Variants in PLCB1 observed in about 807,000 individuals in gnomAD.
PLCB1 encodes the protein phospholipase C beta 1.
Under a neutral mutation model 161.8 loss-of-function variants are expected in PLCB1, and 46 were observed. The observed-to-expected ratio is 0.28, with a 90% CI of 0.22 to 0.36. The LOEUF (loss-of-function observed/expected upper bound fraction) is 0.36. Among genes scored for constraint, PLCB1 ranks in the 10% least tolerant of loss-of-function variants. The probability of loss-of-function intolerance (pLI) is 1.00; values close to 1 mark genes in which losing one functional copy is unlikely to be tolerated. For missense variants in PLCB1, 1,016 were observed against 1,472.5 expected (o/e 0.69, Z 5.07); for synonymous variants, 517 against 503.7 (o/e 1.03, Z -0.35).
intron 2 of PLCB1, among the ~76,000 whole-genome samples, chr20:8,155,271 C>A (rs1349465225): frequency 1.3e-5 from 2 of 152,138 alleles, no homozygotes; most frequent in Non-Finnish European, 2.9e-5. Context: ...TTTATACCTG[C>A]ATATTTAGTC....
intron 11 of PLCB1, among the ~76,000 whole-genome samples, chr20:8,698,859 G>A (rs1008665924): frequency 4.6e-5 from 7 of 152,174 alleles, no homozygotes; most frequent in African/African-American, 1.7e-4. Flanking sequence ...TTGTTAGTGA[G>A]AAATGAGGTG....
chr20:8,405,517 A>C (rs1978748991), intron 3 of PLCB1, among the ~76,000 whole-genome samples: 1 of 152,192 alleles, frequency 6.6e-6, no homozygotes, highest in Non-Finnish European at 1.5e-5. Flanking sequence ...AAATAGAAGG[A>C]GCTACAGTCA....
chr20:8,238,054 C>T (rs573259067), intron 2 of PLCB1, among the ~76,000 whole-genome samples: 15 of 152,082 alleles, frequency 9.9e-5, no homozygotes, highest in Non-Finnish European at 2.1e-4. Flanking sequence ...TGAAACTCAA[C>T]GAAATCTTTT....
In PLCB1 at chr20:8,166,226, A is replaced by G. The variant is rs539521233; in HGVS notation, c.177+15855A>G. 1.2e-4 allele frequency among the ~76,000 whole-genome samples: 19 copies of G among 152,242 alleles called. No homozygotes were observed. In the East Asian group the frequency reaches 3.5e-3, roughly 28 times the overall value. Reference sequence around the variant, plus strand: ...TCACCTTTCACCAACTTTTCAATACATATCAACCTGGATTCTGTACCCACT... The same window carrying G: ...TCACCTTTCACCAACTTTTCAATACGTATCAACCTGGATTCTGTACCCACT... On this transcript the variant is annotated intron_variant, in intron 2 of 31. Coordinates refer to ENST00000338037, the MANE Select transcript of PLCB1 (RefSeq NM_015192.4).
intron 2 of PLCB1, among the ~76,000 whole-genome samples, chr20:8,351,221 A>G (rs1986166971): frequency 6.6e-6 from 1 of 152,124 alleles, no homozygotes; most frequent in Non-Finnish European, 1.5e-5. Context: ...TTTTTATGAA[A>G]GTGCAAGAAT....
chr20:8,797,785 G>A (rs1984099884), intron 31 of PLCB1, among the ~76,000 whole-genome samples: 1 of 152,200 alleles, frequency 6.6e-6, no homozygotes, highest in South Asian at 2.1e-4. Context: ...TTTCCATCAT[G>A]AGCAAAAGCC....
At chr20:8,502,794 G>T (rs1401439501) in intron 3 of PLCB1, among the ~76,000 whole-genome samples, 2 of 152,084 alleles carry the variant, frequency 1.3e-5, no homozygotes, top group South Asian at 4.1e-4. Context: ...TAATAATTTT[G>T]CCATTTTCCT....
chr20:8,445,478 C>G (rs982868165), intron 3 of PLCB1, among the ~76,000 whole-genome samples: 1 of 151,786 alleles, frequency 6.6e-6, no homozygotes, highest in African/African-American at 2.4e-5. Context: ...AGTCAGGTAG[C>G]ATGATGCCTC....
chr20:8,158,224 G>A (rs892425072), intron 2 of PLCB1, among the ~76,000 whole-genome samples: 7 of 152,146 alleles, frequency 4.6e-5, no homozygotes, highest in African/African-American at 1.4e-4. Flanking sequence ...TAGAATCCCC[G>A]GGTACTTGGT....
At chr20:8,471,991 C>CAA (rs754035251) in intron 3 of PLCB1, among the ~76,000 whole-genome samples, 1 of 151,528 alleles carries the variant, frequency 6.6e-6, no homozygotes, top group Non-Finnish European at 1.5e-5. Context: ...TCCAGAATTA[C>CAA]AAAAAAAATA....
rs141648767 is a variant in PLCB1 at position 8,818,062 on chromosome 20, C to T, written c.3423+27801C>T. 1.0e-3 allele frequency among the ~76,000 whole-genome samples: 154 copies of T among 151,890 alleles called. 1 individual carries two copies. The highest frequency in any genetic ancestry group is 3.5e-3 in the African/African-American group (145 of 41,384). ...AATATGGTAGAGAGATCAAGAGGCA[C>T]GAAGGATAGAATGAGAAGAGGTGAG... On this transcript the variant is annotated intron_variant, in intron 31 of 31. Transcript: ENST00000338037.
intron 10 of PLCB1, among the ~76,000 whole-genome samples, chr20:8,695,851 C>A (rs1201918418): frequency 6.6e-6 from 1 of 152,164 alleles, no homozygotes. Context: ...AATAGTTTAT[C>A]CTGAAATTAG....
chr20:8,223,496 G>C (rs1979523856), intron 2 of PLCB1, among the ~76,000 whole-genome samples: 1 of 151,930 alleles, frequency 6.6e-6, no homozygotes, highest in Non-Finnish European at 1.5e-5. Context: ...AAAAATGACT[G>C]CTTACTACTG....
chr20:8,418,301 A>C (rs1600387712), intron 3 of PLCB1, among the ~76,000 whole-genome samples: 1 of 152,192 alleles, frequency 6.6e-6, no homozygotes, highest in Admixed American at 6.5e-5. Context: ...GTGTCACTCT[A>C]AGTGGCTCTG....
intron 3 of PLCB1, among the ~76,000 whole-genome samples, chr20:8,392,813 A>T (rs1163351394): frequency 5.3e-5 from 8 of 152,202 alleles, no homozygotes. Context: ...TACCATAAAA[A>T]AGTGAAATCC....
intron 2 of PLCB1, among the ~76,000 whole-genome samples, chr20:8,299,555 T>C (rs2123317307): frequency 6.6e-6 from 1 of 152,342 alleles, no homozygotes; most frequent in East Asian, 1.9e-4. Flanking sequence ...CATATGCCCC[T>C]TTTGAGTTTA....
rs550206072 is a variant in PLCB1, at chr20:8,189,034, G to A, written c.177+38663G>A. On this transcript the variant is annotated intron_variant, in intron 2 of 31. Transcript: ENST00000338037. ...GTTGTAATATTTATTCAAAAGTAAT[G>A]TTGCCTATCCTGCTCCTGATAACCA... Among the ~76,000 whole-genome samples, 9 of 152,120 alleles carry A rather than the reference G, an allele frequency of 5.9e-5. No individual in the cohort carries two copies. The East Asian group carries it at 1.2e-3, about 20-fold the overall frequency.
intron 24 of PLCB1, among the ~76,000 whole-genome samples, chr20:8,758,302 C>T (rs1416526377): frequency 1.3e-5 from 2 of 151,512 alleles, no homozygotes; most frequent in Non-Finnish European, 2.9e-5. Flanking sequence ...GGTTGCTGGC[C>T]AGGCATGGTG....
At chr20:8,877,663 G>T (rs1387206745) in intron 31 of PLCB1, among the ~76,000 whole-genome samples, 1 of 152,082 alleles carries the variant, frequency 6.6e-6, no homozygotes, top group Admixed American at 6.6e-5. Flanking sequence ...TGATGGATGG[G>T]GCTTTGTTGG....
Sources: gnomAD v4.1 joint callset for allele counts (sites outside exome capture counted in the v4.1 genomes callset) on GRCh38, gnomAD v4.1.1 for gene constraint, MANE v1.5 for transcripts, NCBI Gene and HGNC (gene_info 2026-07-23, HGNC 2026-07-21) for gene names.